SLC35G2: variants seen among roughly 807,000 people sequenced by gnomAD.
SLC35G2 encodes solute carrier family 35 member G2, also known as transmembrane protein 22.
A neutral mutation model predicts 27.2 loss-of-function variants in SLC35G2; 20 were observed. The observed-to-expected ratio is 0.74, with a 90% CI of 0.52 to 1.07. The LOEUF (loss-of-function observed/expected upper bound fraction) is 1.07. SLC35G2 is among the 50% of genes least tolerant of loss of function. SLC35G2 has a pLI of 0.00. For synonymous variants in SLC35G2, 148 were observed against 165.3 expected (o/e 0.90, Z 0.80); for missense variants, 416 against 493.3 (o/e 0.84, Z 1.48).
chr3:136,853,473 TC>T (rs996116874), intron 1 of SLC35G2, among the ~76,000 whole-genome samples: 10 of 152,200 alleles, frequency 6.6e-5, no homozygotes, highest in African/African-American at 2.2e-4. Flanking sequence ...CAATGAACTC[TC>T]CTGTATGTAC....
chr3:136,832,026 T>TA (rs1298315038), intron 1 of SLC35G2, among the ~76,000 whole-genome samples: 1 of 151,868 alleles, frequency 6.6e-6, no homozygotes, highest in African/African-American at 2.4e-5. Context: ...CTTCATTTTT[T>TA]TTTTTGAGAT....
chr3:136,832,758 G>A (rs1011845699), intron 1 of SLC35G2, among the ~76,000 whole-genome samples: 7 of 152,194 alleles, frequency 4.6e-5, no homozygotes, highest in Admixed American at 2.0e-4. Context: ...AGAAACTGAG[G>A]AGAGTGGTTA....
At position 136,854,824 on chromosome 3, in the gene SLC35G2, A is replaced by G. The variant is rs371083242; in HGVS notation, c.364A>G (p.Thr122Ala). 2.0e-5 allele frequency: 32 copies of G among 1,614,186 alleles called. No homozygotes were observed. Among genetic ancestry groups the G allele is most frequent in the Admixed American group, 3.3e-5 (2 of 60,020 alleles). Residue 122 changes from threonine to alanine, a missense_variant, in exon 2 of 2, where the codon ACT (threonine) becomes GCT (alanine). By Grantham distance (58) the Thr-to-Ala change is moderately conservative (BLOSUM62 0). Coordinates refer to ENST00000446465, the MANE Select transcript of SLC35G2 (RefSeq NM_025246.3). Reference protein sequence around the residue: ...ALAHGCVALITRLVSDRSKVP... With the variant: ...ALAHGCVALIARLVSDRSKVP... Reference sequence around the variant, plus strand: ...GGCTCATGGATGTGTAGCTCTTATCACTAGGCTTGTTTCTGATCGGTCTAA... The same window carrying G: ...GGCTCATGGATGTGTAGCTCTTATCGCTAGGCTTGTTTCTGATCGGTCTAA...
intron 1 of SLC35G2, among the ~76,000 whole-genome samples, chr3:136,821,454 A>C (rs921553130): frequency 6.6e-6 from 1 of 152,172 alleles, no homozygotes; most frequent in Non-Finnish European, 1.5e-5. Context: ...AACAAAAAAA[A>C]AATTTTTTTT....
intron 1 of SLC35G2, among the ~76,000 whole-genome samples, chr3:136,839,688 T>C (rs552734538): frequency 6.6e-6 from 1 of 152,310 alleles, no homozygotes; most frequent in East Asian, 1.9e-4. Context: ...TTATTTCTTT[T>C]GTTTTTCTCA....
chr3:136,838,284 A>ATATATATATATATAT (rs1560013705), intron 1 of SLC35G2: 4 of 109,710 alleles, frequency 3.6e-5, no homozygotes, highest in Admixed American at 9.3e-5. Flanking sequence ...TATATATATA[A>ATATATATATATATAT]ATGCACACAC....
chr3:136,825,568 A>G (rs776738202), intron 1 of SLC35G2, among the ~76,000 whole-genome samples: 82 of 152,132 alleles, frequency 5.4e-4, no homozygotes, highest in East Asian at 1.9e-4. Context: ...ATGCTGGGAT[A>G]TGTTCCTTCT....
At chr3:136,840,260 C>A (rs915097313) in intron 1 of SLC35G2, among the ~76,000 whole-genome samples, 6 of 152,154 alleles carry the variant, frequency 3.9e-5, no homozygotes, top group Admixed American at 3.9e-4. Context: ...GGCTAGCATG[C>A]CAAGGAGCTT....
chr3:136,849,903 G>A (rs1937571431), intron 1 of SLC35G2, among the ~76,000 whole-genome samples: 1 of 148,672 alleles, frequency 6.7e-6, no homozygotes, highest in Admixed American at 6.7e-5. Flanking sequence ...TCAGGGGTTT[G>A]AGACCAGCCT....
intron 1 of SLC35G2, among the ~76,000 whole-genome samples, chr3:136,821,284 T>A (rs1222596286): frequency 2.0e-5 from 3 of 152,124 alleles, no homozygotes; most frequent in Non-Finnish European, 4.4e-5. Context: ...ATGTCTTTCA[T>A]CATAAAACTA....
chr3:136,833,503 C>G (rs529987705), intron 1 of SLC35G2, among the ~76,000 whole-genome samples: 7 of 152,094 alleles, frequency 4.6e-5, no homozygotes, highest in Non-Finnish European at 1.0e-4. Context: ...TCATGGAAGA[C>G]AGTTTTTCCA....
intron 1 of SLC35G2, among the ~76,000 whole-genome samples, chr3:136,830,838 A>C (rs1196093245): frequency 6.6e-6 from 1 of 152,142 alleles, no homozygotes; most frequent in Non-Finnish European, 1.5e-5. Flanking sequence ...AGAGACTCTA[A>C]TGCATTCTTC....
intron 1 of SLC35G2, chr3:136,820,572 C>T (rs1936431975): frequency 6.6e-6 from 1 of 152,140 alleles, no homozygotes; most frequent in Non-Finnish European, 1.5e-5. Context: ...ACACCATGAG[C>T]GTAAACAGGA....
chr3:136,853,836 C>T (rs539276524), intron 1 of SLC35G2, among the ~76,000 whole-genome samples: 2 of 152,176 alleles, frequency 1.3e-5, no homozygotes, highest in South Asian at 2.1e-4. Flanking sequence ...CAACTGTTCA[C>T]GAGAGAGGTT....
chr3:136,850,285 A>C (rs1937582686), intron 1 of SLC35G2, among the ~76,000 whole-genome samples: 1 of 152,186 alleles, frequency 6.6e-6, no homozygotes, highest in Non-Finnish European at 1.5e-5. Context: ...GGTAAATTTC[A>C]CATCGGTCGA....
At chr3:136,846,834 C>G (rs1179524794) in intron 1 of SLC35G2, among the ~76,000 whole-genome samples, 1 of 152,196 alleles carries the variant, frequency 6.6e-6, no homozygotes, top group Non-Finnish European at 1.5e-5. Flanking sequence ...GGTGGCCAAG[C>G]CAGAACTCAA....
At chr3:136,820,228 T>C (rs1936418334) in intron 1 of SLC35G2, 1 of 152,420 alleles carries the variant, frequency 6.6e-6, no homozygotes, top group Admixed American at 6.5e-5. Context: ...TGGGGGTAGG[T>C]CCAGAGGGCT....
At chr3:136,838,461 C>G (rs1936959307) in intron 1 of SLC35G2, 1 of 151,972 alleles carries the variant, frequency 6.6e-6, no homozygotes, top group Non-Finnish European at 1.5e-5. Context: ...CATTTCTTAT[C>G]TTACATTGAT....
chr3:136,830,921 C>A (rs1936715242), intron 1 of SLC35G2, among the ~76,000 whole-genome samples: 2 of 152,288 alleles, frequency 1.3e-5, no homozygotes, highest in African/African-American at 4.8e-5. Context: ...ATCCACATAC[C>A]TGCCATCTTT....
Sources: allele counts gnomAD v4.1 joint callset (sites outside exome capture counted in the v4.1 genomes callset), GRCh38; gene constraint gnomAD v4.1.1; transcripts MANE v1.5; gene names NCBI Gene and HGNC (gene_info 2026-07-23, HGNC 2026-07-21).